The following ZNF676 variants were observed in gnomAD, a reference collection of about 807,000 sequenced individuals.
The protein encoded by ZNF676 is zinc finger protein 676.
Under a neutral mutation model 6.0 loss-of-function variants are expected in ZNF676, and 4 were observed. The observed-to-expected ratio is 0.67, with a 90% CI of 0.33 to 1.53. The LOEUF is 1.53. Ranked by LOEUF, ZNF676 falls within the 40% of genes most tolerant of loss-of-function variation. ZNF676 has a pLI of 0.06. For synonymous variants in ZNF676, 198 were observed against 223.1 expected, an observed-to-expected ratio of 0.89 and a Z score of 1.00; for missense variants, 644 against 679.7, an observed-to-expected ratio of 0.95 and a Z score of 0.58.
intron 2 of ZNF676, among the ~76,000 whole-genome samples, chr19:22,190,998 G>A (rs879429758): frequency 2.6e-5 from 4 of 151,946 alleles, no homozygotes; most frequent in Non-Finnish European, 5.9e-5. Context: ...CAGCAAGAAA[G>A]TCTGTCAGTC....
chr19:22,233,211 C>T, the ZNF676 span, among the ~76,000 whole-genome samples: 55,746 of 151,946 alleles, frequency 0.37, 10,463 homozygotes, highest in African/African-American at 0.42. Context: ...GGCCGGGTTT[C>T]GCCATGTTGC....
At chr19:22,216,950 G>T (rs1599721268), upstream of ZNF676, among the ~76,000 whole-genome samples, 1 of 139,062 alleles carries the variant, frequency 7.2e-6, no homozygotes, top group African/African-American at 2.7e-5. Flanking sequence ...AAAAAAAAAA[G>T]CCAAAACATA....
At chr19:22,251,215 T>A in the ZNF676 span, among the ~76,000 whole-genome samples, 10 of 152,370 alleles carry the variant, frequency 6.6e-5, no homozygotes, top group South Asian at 2.1e-4. Context: ...ATAATTATTT[T>A]TGCTGCACTT....
Position 22,180,189 on chromosome 19 carries a change from A to G in ZNF676, c.1528T>C (p.Cys510Arg). ...GAGGACCAGCTGAAGGCTTTGCCAC[A>G]TTCTTCACATTTGTAGCGTTTCTCT... Reference protein sequence around the residue: ...TGEKRYKCEECGKAFSWSSIL... With the variant: ...TGEKRYKCEERGKAFSWSSIL... The change falls in exon 3 of 3, where the codon TGT (cysteine) becomes CGT (arginine). Residue 510 changes from cysteine to arginine, a missense_variant. Coordinates refer to ENST00000397121, the MANE Select transcript of ZNF676 (RefSeq NM_001001411.3). 1.2e-6 allele frequency: 2 copies of G among 1,613,606 alleles called. No homozygotes were observed. Among genetic ancestry groups the G allele is most frequent in the Non-Finnish European group, 8.5e-7 (1 of 1,179,866 alleles).
chr19:22,201,959 G>C (rs1253047092), intron 1 of ZNF676, among the ~76,000 whole-genome samples: 2 of 152,088 alleles, frequency 1.3e-5, no homozygotes, highest in East Asian at 1.9e-4. Flanking sequence ...CTGAAGAAAA[G>C]GGAGAAAAAC....
At chr19:22,199,487 T>A (rs535411733), upstream of ZNF676, among the ~76,000 whole-genome samples, 1 of 152,240 alleles carries the variant, frequency 6.6e-6, no homozygotes, top group African/African-American at 2.4e-5. Flanking sequence ...CTCAATAGGA[T>A]GTTAGAGTAC....
intron 1 of ZNF676, among the ~76,000 whole-genome samples, chr19:22,194,598 T>TC (rs1222842381): frequency 5.3e-5 from 8 of 152,056 alleles, no homozygotes; most frequent in African/African-American, 1.9e-4. Flanking sequence ...AATGCGGTGC[T>TC]CCCCACCCCG....
At chr19:22,257,235 T>A in the ZNF676 span, among the ~76,000 whole-genome samples, 1 of 152,088 alleles carries the variant, frequency 6.6e-6, no homozygotes, top group Non-Finnish European at 1.5e-5. Flanking sequence ...CATGACCTGG[T>A]TGCCAGACCC....
At chr19:22,255,297 A>G in the ZNF676 span, among the ~76,000 whole-genome samples, 1 of 152,076 alleles carries the variant, frequency 6.6e-6, no homozygotes, top group African/African-American at 2.4e-5. Context: ...GAAAATGACA[A>G]TCTTTACTAT....
chr19:22,223,743 CCATT>C, the ZNF676 span, among the ~76,000 whole-genome samples: 1 of 151,794 alleles, frequency 6.6e-6, no homozygotes, highest in South Asian at 2.1e-4. Flanking sequence ...TATATGATTT[CCATT>C]CACTTTCTTC....
chr19:22,256,156 A>C, the ZNF676 span, among the ~76,000 whole-genome samples: 400 of 152,276 alleles, frequency 2.6e-3, 3 homozygotes, highest in Non-Finnish European at 1.6e-3. Context: ...GAATCTTACC[A>C]ATTTTCCTAA....
At chr19:22,201,547 C>G (rs1254379925), upstream of ZNF676, among the ~76,000 whole-genome samples, 1 of 151,970 alleles carries the variant, frequency 6.6e-6, no homozygotes, top group Non-Finnish European at 1.5e-5. Flanking sequence ...AAGGAGAGAT[C>G]CCCTCTTAGA....
chr19:22,241,831 T>A, the ZNF676 span, among the ~76,000 whole-genome samples: 14 of 151,982 alleles, frequency 9.2e-5, 1 homozygote, highest in African/African-American at 3.4e-4. Flanking sequence ...TGTGGTCAGG[T>A]GTTTACATAT....
chr19:22,204,575 C>T (rs970953951), intron 1 of ZNF676, among the ~76,000 whole-genome samples: 16 of 152,256 alleles, frequency 1.1e-4, no homozygotes, highest in African/African-American at 2.4e-4. Context: ...TTCTGGCTTT[C>T]GCAGTGTAAG....
At chr19:22,219,965 G>T (rs2024231314), upstream of ZNF676, among the ~76,000 whole-genome samples, 1 of 151,948 alleles carries the variant, frequency 6.6e-6, no homozygotes, top group African/African-American at 2.4e-5. Flanking sequence ...TGTCATAGAT[G>T]GTTTTTATGA....
At chr19:22,202,468 G>A (rs1017937575) in intron 1 of ZNF676, among the ~76,000 whole-genome samples, 1 of 152,044 alleles carries the variant, frequency 6.6e-6, no homozygotes, top group African/African-American at 2.4e-5. Context: ...AGTGGAAAAG[G>A]CCCATCTATA....
At chr19:22,215,615 G>C in intron 1 of ZNF676, 1 of 1,610,284 alleles carries the variant, frequency 6.2e-7, no homozygotes, top group Non-Finnish European at 8.5e-7. Flanking sequence ...TCAGTGTGTC[G>C]GACCCGGCAC....
Position 22,179,901 on chromosome 19 carries a change from T to C in ZNF676, c.*49A>G. On this transcript the variant is annotated 3_prime_UTR_variant, in exon 3 of 3. Coordinates refer to ENST00000397121, the MANE Select transcript of ZNF676 (RefSeq NM_001001411.3). ...TCTCTCCAGTATGAATTTTCTTATG[T>C]TTACTAGACTGAGAATCAGCTGAAG... 6.3e-7 allele frequency: 1 copy of C among 1,580,726 alleles called. No individual in the cohort carries two copies.
the ZNF676 span, among the ~76,000 whole-genome samples, chr19:22,235,125 A>C: frequency 1.3e-5 from 1 of 75,608 alleles, no homozygotes; most frequent in Non-Finnish European, 3.4e-5. Context: ...GGAAGGCAGG[A>C]AGGAAGGAAG....
Sources: allele counts gnomAD v4.1 joint callset (sites outside exome capture counted in the v4.1 genomes callset), GRCh38; gene constraint gnomAD v4.1.1; transcripts MANE v1.5; gene names NCBI Gene and HGNC (gene_info 2026-07-23, HGNC 2026-07-21).